The following CSMD1 variants were observed in gnomAD, a reference collection of about 807,000 sequenced individuals.
CSMD1 encodes CUB and Sushi multiple domains 1.
A neutral mutation model predicts 417.5 loss-of-function variants in CSMD1; 213 were observed. That is an observed-to-expected ratio of 0.51 (90% CI 0.46 to 0.57). The LOEUF (loss-of-function observed/expected upper bound fraction) is 0.57, where lower values mean the gene tolerates loss of function less well. Ranked by LOEUF, CSMD1 falls within the 20% of genes least tolerant of loss-of-function variation. The pLI, the probability that CSMD1 is intolerant of heterozygous loss-of-function variation, is 0.00. For missense variants in CSMD1, 6,923 were observed against 4,529.7 expected, an observed-to-expected ratio of 1.53 and a Z score of -15.17; for synonymous variants, 2,862 against 1,736.8, an observed-to-expected ratio of 1.65 and a Z score of -16.11.
chr8:3,650,915 G>T (rs1014209052), intron 7 of CSMD1, among the ~76,000 whole-genome samples: 1 of 151,984 alleles, frequency 6.6e-6, no homozygotes, highest in Non-Finnish European at 1.5e-5. Context: ...CAGACTTCTG[G>T]TCTCTCCGAC....
At chr8:3,225,573 A>C (rs982052637) in intron 27 of CSMD1, among the ~76,000 whole-genome samples, 1 of 152,144 alleles carries the variant, frequency 6.6e-6, no homozygotes, top group African/African-American at 2.4e-5. Flanking sequence ...AGAAGATTCT[A>C]CTGCACACAG....
At chr8:3,585,995 C>G in intron 9 of CSMD1, 141 bp downstream of exon 9, 1 of 820,828 alleles carries the variant, frequency 1.2e-6, no homozygotes, top group Non-Finnish European at 1.8e-6. Flanking sequence ...CTGTTATTAC[C>G]CACATCACTA....
At chr8:4,528,986 A>G (rs891306709) in intron 2 of CSMD1, among the ~76,000 whole-genome samples, 5 of 152,180 alleles carry the variant, frequency 3.3e-5, no homozygotes, top group Non-Finnish European at 7.4e-5. Context: ...AGATTTATTA[A>G]CAAAAGGTGA....
intron 27 of CSMD1, among the ~76,000 whole-genome samples, chr8:3,224,906 G>C (rs569883557): frequency 1.3e-5 from 2 of 152,178 alleles, no homozygotes; most frequent in South Asian, 2.1e-4. Flanking sequence ...AGACTATGCT[G>C]AGTTTAAAAG....
chr8:4,164,890 A>AAT (rs1554477052), intron 3 of CSMD1, among the ~76,000 whole-genome samples: 133 of 150,330 alleles, frequency 8.8e-4, no homozygotes, highest in Admixed American at 3.0e-3. Context: ...GAAAAAAAAA[A>AAT]ATATATATAT....
At chr8:4,571,674 G>T (rs1268799907) in intron 2 of CSMD1, among the ~76,000 whole-genome samples, 1 of 152,094 alleles carries the variant, frequency 6.6e-6, no homozygotes, top group African/African-American at 2.4e-5. Context: ...TTCAAGTCCT[G>T]AATATCTTTG....
chr8:3,517,681 C>T (rs905677008), intron 10 of CSMD1, among the ~76,000 whole-genome samples: 1 of 152,100 alleles, frequency 6.6e-6, no homozygotes, highest in African/African-American at 2.4e-5. Flanking sequence ...CAATTTTTCA[C>T]TTGTAGACAC....
intron 10 of CSMD1, among the ~76,000 whole-genome samples, chr8:3,550,325 G>A (rs560344380): frequency 7.2e-4 from 110 of 152,098 alleles, no homozygotes; most frequent in Middle Eastern, 3.4e-3. Flanking sequence ...GCATTTCTTG[G>A]ACACAGCAAA....
chr8:3,682,837 A>G (rs879350185), intron 7 of CSMD1, among the ~76,000 whole-genome samples: 1 of 152,232 alleles, frequency 6.6e-6, no homozygotes, highest in Non-Finnish European at 1.5e-5. Flanking sequence ...TGTGGCACAT[A>G]TACACCATGG....
rs1807114983 is a variant in CSMD1, at chr8:3,893,339, T to TTATATATACATATATATA, written c.818+104563_818+104564insTATATATATGTATATATA. 2.5e-5 allele frequency among the ~76,000 whole-genome samples: 2 copies of TTATATATACATATATATA among 80,440 alleles called. 1 individual carries two copies. Among genetic ancestry groups the TTATATATACATATATATA allele is most frequent in the Non-Finnish European group, 5.6e-5 (2 of 35,952 alleles). The allele number at this position is 80,440 out of a possible 152,430, so 52.8% of individuals were successfully genotyped here. On this transcript the variant is annotated intron_variant, in intron 5 of 69. Transcript: ENST00000635120. ...TCCCAAACTAATAATATTCACAATT[T>TTATATATACATATATATA]TATATATATATATATATATATATTA...
At chr8:3,637,327 T>C (rs35024029) in intron 7 of CSMD1, among the ~76,000 whole-genome samples, 71,660 of 151,880 alleles carry the variant, frequency 0.47, 17,030 homozygotes, top group Middle Eastern at 0.64. Context: ...TCTAAGATCC[T>C]TTATCTGTAG....
chr8:3,128,720 CATTT>C (rs1817639116), intron 41 of CSMD1: 1 of 372,302 alleles, frequency 2.7e-6, no homozygotes, highest in South Asian at 2.1e-5. Flanking sequence ...TTCATGTTCT[CATTT>C]ATTTGTATTA....
intron 3 of CSMD1, among the ~76,000 whole-genome samples, chr8:4,140,471 A>T (rs73178312): frequency 2.0e-5 from 3 of 150,540 alleles, no homozygotes; most frequent in Non-Finnish European, 4.4e-5. Flanking sequence ...GCACTCCAGT[A>T]TAAGCAACAA....
At chr8:4,332,279 T>G (rs1197170669) in intron 3 of CSMD1, among the ~76,000 whole-genome samples, 1 of 152,140 alleles carries the variant, frequency 6.6e-6, no homozygotes, top group Non-Finnish European at 1.5e-5. Context: ...CAAAGGGCTG[T>G]GCTCCAAGCC....
At chr8:3,853,557 G>T (rs1372212845) in intron 5 of CSMD1, among the ~76,000 whole-genome samples, 1 of 151,978 alleles carries the variant, frequency 6.6e-6, no homozygotes, top group African/African-American at 2.4e-5. Context: ...ATTTATGTAA[G>T]AAAGTGATTA....
intron 3 of CSMD1, among the ~76,000 whole-genome samples, chr8:4,301,892 C>G (rs1413625889): frequency 2.6e-5 from 4 of 152,156 alleles, no homozygotes; most frequent in African/African-American, 9.7e-5. Flanking sequence ...GTTGTTCTCA[C>G]TTCAAGTTTA....
chr8:4,157,190 T>A (rs1179980684), intron 3 of CSMD1, among the ~76,000 whole-genome samples: 1 of 152,118 alleles, frequency 6.6e-6, no homozygotes, highest in Admixed American at 6.5e-5. Flanking sequence ...CAAGTGACGA[T>A]GTATGAAATT....
rs12543824 is a variant in CSMD1, at chr8:3,835,333, G to A, written c.819-81291C>T. Among the ~76,000 whole-genome samples the A allele has an allele frequency of 3.3e-5, 5 of 151,858 alleles. No individual in the cohort carries two copies. The South Asian group carries it at 6.2e-4, about 19-fold the overall frequency. ...GGAACCATCCCAAATGTCCAACAAC[G>A]ACAGACTGGATTAAGAAACTGTGGT... On this transcript the variant is annotated intron_variant, in intron 5 of 69. Coordinates refer to ENST00000635120, the MANE Select transcript of CSMD1 (RefSeq NM_033225.6).
At chr8:3,114,696 G>A (rs1447013111) in intron 42 of CSMD1, among the ~76,000 whole-genome samples, 2 of 152,044 alleles carry the variant, frequency 1.3e-5, no homozygotes, top group Non-Finnish European at 2.9e-5. Flanking sequence ...TAAGGAGACA[G>A]AGTTGCATTC....
Sources: allele counts gnomAD v4.1 joint callset (sites outside exome capture counted in the v4.1 genomes callset), GRCh38; gene constraint gnomAD v4.1.1; transcripts MANE v1.5; gene names NCBI Gene and HGNC (gene_info 2026-07-23, HGNC 2026-07-21).